The following DOCK10 variants were observed in gnomAD, a reference collection of about 807,000 sequenced individuals.
DOCK10 encodes dedicator of cytokinesis 10, also known as dedicator of cytokinesis protein 10.
A neutral mutation model predicts 280.1 loss-of-function variants in DOCK10; 145 were observed. That is an observed-to-expected ratio of 0.52 (90% CI 0.45 to 0.59). DOCK10 has a LOEUF of 0.59. Among genes scored for constraint, DOCK10 ranks in the 20% least tolerant of loss-of-function variants. DOCK10 has a pLI of 0.00. For synonymous variants in DOCK10, 915 were observed against 942.2 expected (o/e 0.97, Z 0.53); for missense variants, 2,368 against 2,651.7 (o/e 0.89, Z 2.35).
At chr2:225,035,382 G>GT (rs891238639) in intron 1 of DOCK10, among the ~76,000 whole-genome samples, 27 of 151,190 alleles carry the variant, frequency 1.8e-4, no homozygotes, top group African/African-American at 6.3e-4. Context: ...AATTCAAGAG[G>GT]TATCACTTTT....
chr2:224,858,514 G>A (rs559079907), intron 14 of DOCK10, among the ~76,000 whole-genome samples: 5 of 152,072 alleles, frequency 3.3e-5, no homozygotes, highest in South Asian at 4.1e-4. Context: ...AAAATTAGCC[G>A]GGCATGGTGG....
chr2:225,035,573 T>TATAATATATATATATATATATATATA (rs1553634924), intron 1 of DOCK10, among the ~76,000 whole-genome samples: 2 of 44,134 alleles, frequency 4.5e-5, no homozygotes, highest in Admixed American at 2.8e-4. Flanking sequence ...TATATATATA[T>TATAATATATATATATATATATATATA]ATATATATAT....
chr2:224,994,533 A>G (rs1238846050), intron 1 of DOCK10, among the ~76,000 whole-genome samples: 1 of 152,214 alleles, frequency 6.6e-6, no homozygotes, highest in African/African-American at 2.4e-5. Context: ...GAGATGCAGT[A>G]CTCACTAAAA....
At chr2:224,930,255 T>C (rs947808214) in intron 2 of DOCK10, among the ~76,000 whole-genome samples, 1 of 150,804 alleles carries the variant, frequency 6.6e-6, no homozygotes, top group African/African-American at 2.4e-5. Context: ...AAAAGACTGT[T>C]CATCAGGTTA....
intron 9 of DOCK10, 35 bp from the exon 10 acceptor site, chr2:224,874,384 A>G (rs1388532259): frequency 6.6e-7 from 1 of 1,523,428 alleles, no homozygotes; most frequent in African/African-American, 1.4e-5. Context: ...TTGGTATCTA[A>G]ATATCCAGAT....
chr2:224,971,817 T>A (rs1705101952), intron 1 of DOCK10, among the ~76,000 whole-genome samples: 1 of 152,202 alleles, frequency 6.6e-6, no homozygotes, highest in South Asian at 2.1e-4. Context: ...CAAATTGAAA[T>A]GTGTTATATG....
chr2:225,042,193 T>A lies in DOCK10; in HGVS notation c.123+59A>T. The A allele has an allele frequency of 8.2e-7, 1 of 1,224,080 alleles. No homozygotes were observed. Among genetic ancestry groups the A allele is most frequent in the Non-Finnish European group, 1.0e-6 (1 of 982,898 alleles). 75.8% of individuals were successfully genotyped at this position (1,224,080 alleles called of 1,614,324 possible). Reference sequence around the variant, plus strand: ...CGCCGAGCTTTTGGGGAAGCTGGGCTCCGTTCCCCCCGGGCGCCTGGGGCG... The same window carrying A: ...CGCCGAGCTTTTGGGGAAGCTGGGCACCGTTCCCCCCGGGCGCCTGGGGCG... On this transcript the variant is annotated intron_variant, in intron 1 of 55. Transcript: ENST00000258390. The surrounding 1 kb of genome is among the most constrained non-coding windows in gnomAD (Gnocchi z 5.1).
intron 11 of DOCK10, among the ~76,000 whole-genome samples, chr2:224,870,685 A>C (rs1401466661): frequency 6.6e-6 from 1 of 151,956 alleles, no homozygotes; most frequent in Non-Finnish European, 1.5e-5. Context: ...TTCATTCTTC[A>C]GATATTTTAT....
At chr2:224,841,729 C>A in intron 23 of DOCK10, 75 bp downstream of exon 23, 1 of 914,024 alleles carries the variant, frequency 1.1e-6, no homozygotes, top group South Asian at 1.5e-5. Flanking sequence ...GTTTGCCCAT[C>A]GGTGGAAAAT....
In DOCK10 at chr2:224,828,778, G is replaced by A. The variant is rs535759154; in HGVS notation, c.3036+1763C>T. Among the ~76,000 whole-genome samples, 10 of 152,284 alleles carry A rather than the reference G, an allele frequency of 6.6e-5. No homozygotes were observed. The South Asian group carries it at 1.0e-3, about 16-fold the overall frequency. ...ACTGGTGGGGAAGCCAAGAGGGACC[G>A]ACTCTCAGGGAGTTGTAGAGCTGGT... On this transcript the variant is annotated intron_variant, in intron 27 of 55. Transcript: ENST00000258390.
rs1405755726 is a variant in DOCK10, at chr2:224,886,201, A to G, written c.490-16T>C. 1.8e-5 allele frequency: 29 copies of G among 1,613,706 alleles called. No individual in the cohort carries two copies. The highest frequency in any genetic ancestry group is 2.4e-5 in the Non-Finnish European group (28 of 1,179,726). On this transcript the variant is annotated splice_polypyrimidine_tract_variant and intron_variant, in intron 5 of 55. Coordinates refer to ENST00000258390, the MANE Select transcript of DOCK10 (RefSeq NM_014689.3). Reference sequence around the variant, plus strand: ...AAGTGGTATCCTGTAGGAAAGGCATAGTAGCATGACAGCCATCTTTTGTGG... The same window carrying G: ...AAGTGGTATCCTGTAGGAAAGGCATGGTAGCATGACAGCCATCTTTTGTGG...
chr2:224,785,821 T>A lies in DOCK10; in HGVS notation c.5655+1201A>T, dbSNP rs558373795. On this transcript the variant is annotated intron_variant, in intron 50 of 55. Transcript: ENST00000258390. ...GCTGCCTTTGGTGAGCAGAGGAAAA[T>A]ATGTATTTTTCAAACGACTTCAATG... Among the ~76,000 whole-genome samples, 619 of 152,116 alleles carry A rather than the reference T, an allele frequency of 4.1e-3. 3 individuals are homozygous for A. Among genetic ancestry groups the A allele is most frequent in the Non-Finnish European group, 7.9e-3 (536 of 67,998 alleles).
At chr2:224,856,728 T>C in intron 15 of DOCK10, 132 bp downstream of exon 15, 1 of 774,368 alleles carries the variant, frequency 1.3e-6, no homozygotes. Flanking sequence ...TGGGCATATG[T>C]GAAGTCACCT....
intron 1 of DOCK10, among the ~76,000 whole-genome samples, chr2:224,961,785 G>A (rs986151047): frequency 1.3e-5 from 2 of 152,046 alleles, no homozygotes; most frequent in Admixed American, 1.3e-4. Context: ...GATTACAAGT[G>A]TGAGCCACCA....
At chr2:224,881,881 G>A (rs956733264) in intron 7 of DOCK10, among the ~76,000 whole-genome samples, 12 of 152,274 alleles carry the variant, frequency 7.9e-5, no homozygotes, top group African/African-American at 2.2e-4. Context: ...CATTCTCCAC[G>A]TCTACATAGT....
At chr2:224,998,660 T>G (rs1240003807) in intron 1 of DOCK10, among the ~76,000 whole-genome samples, 6 of 152,164 alleles carry the variant, frequency 3.9e-5, no homozygotes, top group Admixed American at 1.3e-4. Flanking sequence ...TAAAGCATTC[T>G]TTCACCTTCC....
chr2:225,022,541 T>G lies in DOCK10; in HGVS notation c.123+19711A>C, dbSNP rs188318182. The stretch of plus-strand genomic sequence containing the variant: ...CTAACCACACATTTTCACACACATG[T>G]AGAACTTAACTGTTAATCTAAACTT... On this transcript the variant is annotated intron_variant, in intron 1 of 55. Coordinates refer to ENST00000258390, the MANE Select transcript of DOCK10 (RefSeq NM_014689.3). Among the ~76,000 whole-genome samples the G allele has an allele frequency of 5.3e-5, 8 of 152,300 alleles. No homozygotes were observed. In the East Asian group the frequency reaches 1.5e-3, roughly 29 times the overall value.
chr2:224,916,762 A>T lies in DOCK10; in HGVS notation c.266T>A (p.Ile89Asn), dbSNP rs1398482565. ...DFSAATVSWD[I>N]RTLYSTVPED... ...AGGTACTGTTGAGTACAACGTGCGG[A>T]TATCCCAGGAAACTGTGGCTGCCTG... The change falls in exon 3 of 56, where the codon ATC becomes AAC. Residue 89 changes from isoleucine (I) to asparagine (N), a missense_variant. Ile to Asn is a moderately radical substitution (Grantham distance 149). Around this residue, in one of 2 missense-constraint regions of DOCK10, gnomAD observed 1,209 missense variants for 1,250.9 expected, o/e 0.97. Transcript: ENST00000258390. The T allele has an allele frequency of 1.9e-6, 3 of 1,610,524 alleles. No individual in the cohort carries two copies. In the African/African-American group the frequency reaches 4.0e-5, roughly 22 times the overall value.
chr2:224,941,672 C>T (rs572719142), intron 1 of DOCK10, among the ~76,000 whole-genome samples: 43 of 151,932 alleles, frequency 2.8e-4, no homozygotes, highest in African/African-American at 9.6e-4. Context: ...GGTGAAACCC[C>T]GTCTCTACTA....
Sources: allele counts gnomAD v4.1 joint callset (sites outside exome capture counted in the v4.1 genomes callset), GRCh38; gene constraint gnomAD v4.1.1; regional missense constraint gnomAD v4.1.1; non-coding constraint Gnocchi (gnomAD v3.1); transcripts MANE v1.5; gene names NCBI Gene and HGNC (gene_info 2026-07-23, HGNC 2026-07-21).